PRSS21: variants seen among roughly 807,000 people sequenced by gnomAD.
PRSS21 encodes testisin.
A neutral mutation model predicts 31.1 loss-of-function variants in PRSS21; 40 were observed. The ratio of observed to expected loss-of-function variants is 1.29; its 90% CI spans 1.00 to 1.68. PRSS21 has a LOEUF of 1.68. Ranked by LOEUF, PRSS21 falls within the 40% of genes most tolerant of loss-of-function variation. The pLI, the probability that PRSS21 is intolerant of heterozygous loss-of-function variation, is 0.00. For missense variants in PRSS21, 467 were observed against 412.6 expected (o/e 1.13, Z -1.14); for synonymous variants, 186 against 167.7 (o/e 1.11, Z -0.84).
chr16:2,818,576 G>A lies in PRSS21; in HGVS notation c.258-101G>A, dbSNP rs929890804. 24 of 1,219,152 alleles carry A rather than the reference G, an allele frequency of 2.0e-5. No individual in the cohort carries two copies. In the Admixed American group the frequency reaches 4.9e-4, roughly 25 times the overall value. 75.5% of individuals were successfully genotyped at this position (1,219,152 alleles called of 1,614,324 possible). A position where few individuals can be genotyped will look rare whatever the true frequency, so the allele number is the denominator to read the frequency against. On this transcript the variant is annotated intron_variant, in intron 3 of 5. Transcript: ENST00000005995. Reference sequence around the variant, plus strand: ...AGGGGACCCTGGGTGTTAGCAAGTAGCAGCAACACCACAGTTTCCCCTCCT... The same window carrying A: ...AGGGGACCCTGGGTGTTAGCAAGTAACAGCAACACCACAGTTTCCCCTCCT...
chr16:2,821,229 C>T (rs573194501), intron 5 of PRSS21, 120 bp downstream of exon 5: 23 of 1,537,644 alleles, frequency 1.5e-5, no homozygotes, highest in South Asian at 7.3e-5. Context: ...GATGCAGAAA[C>T]GGAGGCTTGG....
rs1171132246 is a variant in PRSS21, at chr16:2,817,870, C to T, written c.161C>T (p.Pro54Leu). The change falls in exon 3 of 6, where the codon CCG (proline) becomes CTG (leucine). Residue 54 changes from proline to leucine, a missense_variant. By Grantham distance (98) the Pro-to-Leu change is moderately conservative. Coordinates refer to ENST00000005995, the MANE Select transcript of PRSS21 (RefSeq NM_006799.4). This position sits in a 1 kb window ranked among gnomAD's most constrained non-coding sequence, Gnocchi z 4.2. ...GAGGACGCCGAACTCGGGCGTTGGC[C>T]GTGGCAGGGGAGCCTGCGCCTGTGG... ...GGEDAELGRW[P>L]WQGSLRLWDS... 14 of 1,550,190 alleles carry T rather than the reference C, an allele frequency of 9.0e-6. No homozygotes were observed. Among genetic ancestry groups the T allele is most frequent in the South Asian group, 1.2e-5 (1 of 84,092 alleles).
intron 4 of PRSS21, among the ~76,000 whole-genome samples, chr16:2,820,662 C>T (rs2069155545): frequency 6.6e-6 from 1 of 152,210 alleles, no homozygotes; most frequent in South Asian, 2.1e-4. Flanking sequence ...CCTCCCTCGG[C>T]TCCTTTTGGC....
intron 4 of PRSS21, among the ~76,000 whole-genome samples, chr16:2,819,172 G>C (rs1269365050): frequency 2.0e-5 from 3 of 152,220 alleles, no homozygotes; most frequent in African/African-American, 7.2e-5. Context: ...GAGTGTGAGA[G>C]GGAGGCCAGT....
rs2069105360 is a variant in PRSS21 at position 2,817,870 on chromosome 16, CG to C, written c.162del (p.Trp55GlyfsTer15). ...GGEDAELGRW[P>X]WQGSLRLWDS... ...GAGGACGCCGAACTCGGGCGTTGGC[CG>C]TGGCAGGGGAGCCTGCGCCTGTGGG... On this transcript the variant is annotated frameshift_variant, in exon 3 of 6. Transcript: ENST00000005995. LOFTEE classifies it high-confidence loss of function. This position sits in a 1 kb window ranked among gnomAD's most constrained non-coding sequence, Gnocchi z 4.2. 6.5e-7 allele frequency: 1 copy of C among 1,550,070 alleles called. No homozygotes were observed. The highest frequency in any genetic ancestry group is 8.7e-7 in the Non-Finnish European group (1 of 1,147,158).
At position 2,817,784 on chromosome 16, in the gene PRSS21, T is replaced by C; in HGVS notation, c.92-17T>C. On this transcript the variant is annotated splice_polypyrimidine_tract_variant and intron_variant, in intron 2 of 5. Transcript: ENST00000005995. This position sits in a 1 kb window ranked among gnomAD's most constrained non-coding sequence, Gnocchi z 4.2. ...GGGCTGCCTCCCGCGGCTCAGCAGTTCCTCTGACCATCCGAGGACCATGCG... is the reference window on the plus strand; with the variant it reads ...GGGCTGCCTCCCGCGGCTCAGCAGTCCCTCTGACCATCCGAGGACCATGCG... 1 of 1,545,914 alleles carries C rather than the reference T, an allele frequency of 6.5e-7. No homozygotes were observed.
chr16:2,817,521 A>T lies in PRSS21; in HGVS notation c.91+65A>T. ...GGGCCGAGGTGGACGGGGGGCGGTG[A>T]GGGGGTAGAGGGGGGCCTTTACTGC... On this transcript the variant is annotated intron_variant, in intron 2 of 5. Coordinates refer to ENST00000005995, the MANE Select transcript of PRSS21 (RefSeq NM_006799.4). The surrounding 1 kb of genome is among the most constrained non-coding windows in gnomAD (Gnocchi z 4.2). 68 of 487,354 alleles carry T rather than the reference A, an allele frequency of 1.4e-4. No individual in the cohort carries two copies. Among genetic ancestry groups the T allele is most frequent in the Non-Finnish European group, 1.7e-4 (58 of 333,882 alleles). The allele number at this position is 487,354 out of a possible 1,614,324, so 30.2% of individuals were successfully genotyped here. A position where few individuals can be genotyped will look rare whatever the true frequency, so the allele number is the denominator to read the frequency against.
chr16:2,821,096 AG>A lies in PRSS21; in HGVS notation c.694del (p.Asp232MetfsTer25). 1.2e-6 allele frequency: 2 copies of A among 1,614,088 alleles called. No individual in the cohort carries two copies. Among genetic ancestry groups the A allele is most frequent in the Non-Finnish European group, 1.7e-6 (2 of 1,180,016 alleles). On this transcript the variant is annotated frameshift_variant, in exon 5 of 6. Coordinates refer to ENST00000005995, the MANE Select transcript of PRSS21 (RefSeq NM_006799.4). LOFTEE classifies it low-confidence loss of function (END_TRUNC). Reference protein sequence around the residue: ...MVCAGNAQGGKDACFGDSGGP... With the variant: ...MVCAGNAQGGXDACFGDSGGP... ...TGTGCTGGCAATGCCCAAGGCGGGA[AG>A]GATGCCTGCTTCGTGAGTGTCCTTG...
In PRSS21 at chr16:2,821,353, C is replaced by T. The variant is rs1378139059; in HGVS notation, c.706-13C>T. On this transcript the variant is annotated splice_polypyrimidine_tract_variant and intron_variant, in intron 5 of 5. Transcript: ENST00000005995. The stretch of plus-strand genomic sequence containing the variant: ...CTCTGCCCCAGGCTGACCTCAGCCC[C>T]GCTGCTCCCCAGGGTGACTCAGGTG... 9 of 1,613,552 alleles carry T rather than the reference C, an allele frequency of 5.6e-6. No homozygotes were observed. Among genetic ancestry groups the T allele is most frequent in the East Asian group, 2.2e-5 (1 of 44,878 alleles).
chr16:2,820,808 G>A (rs949679063), intron 4 of PRSS21, 147 bp from the exon 5 acceptor site: 1 of 788,990 alleles, frequency 1.3e-6, no homozygotes, highest in Admixed American at 2.3e-5. Flanking sequence ...CTGTTGTGCT[G>A]GGGTCTGGGT....
rs1034814445 is a variant in PRSS21 at position 2,817,670 on chromosome 16, G to T, written c.92-131G>T. On this transcript the variant is annotated intron_variant, in intron 2 of 5. Transcript: ENST00000005995. This position sits in a 1 kb window ranked among gnomAD's most constrained non-coding sequence, Gnocchi z 4.2. The stretch of plus-strand genomic sequence containing the variant: ...GGATCTCCAGTGTCACCTACTTCCT[G>T]CTGCACACACGCGAGGGGACCCTGG... 21 of 1,320,144 alleles carry T rather than the reference G, an allele frequency of 1.6e-5. No individual in the cohort carries two copies. The highest frequency in any genetic ancestry group is 2.2e-5 in the Admixed American group (1 of 45,810). 81.8% of individuals were successfully genotyped at this position (1,320,144 alleles called of 1,614,324 possible).
chr16:2,817,353 GC>G lies in PRSS21; in HGVS notation c.64+22del, dbSNP rs1237281606. On this transcript the variant is annotated intron_variant, in intron 1 of 5. Coordinates refer to ENST00000005995, the MANE Select transcript of PRSS21 (RefSeq NM_006799.4). The surrounding 1 kb of genome is among the most constrained non-coding windows in gnomAD (Gnocchi z 4.2). ...GCCGGGTGAGCTCGGGGCGCTGCTG[GC>G]GGGATGGGGAGGCGGGGGAGCGGTG... 1.0e-5 allele frequency: 16 copies of G among 1,570,018 alleles called. No homozygotes were observed. Among genetic ancestry groups the G allele is most frequent in the Non-Finnish European group, 1.4e-5 (16 of 1,161,844 alleles).
Position 2,817,682 on chromosome 16 carries a change from C to G in PRSS21, c.92-119C>G, listed in dbSNP as rs79730178. The G allele has an allele frequency of 0.013, 18,364 of 1,368,984 alleles. 170 individuals carry two copies. Among genetic ancestry groups the G allele is most frequent in the Middle Eastern group, 0.04 (199 of 4,932 alleles). 84.8% of individuals were successfully genotyped at this position (1,368,984 alleles called of 1,614,324 possible). A position where few individuals can be genotyped will look rare whatever the true frequency, so the allele number is the denominator to read the frequency against. ...TCACCTACTTCCTGCTGCACACACGCGAGGGGACCCTGGGTGGGCAAAAAC... is the reference window on the plus strand; with the variant it reads ...TCACCTACTTCCTGCTGCACACACGGGAGGGGACCCTGGGTGGGCAAAAAC... On this transcript the variant is annotated intron_variant, in intron 2 of 5. Transcript: ENST00000005995. This position sits in a 1 kb window ranked among gnomAD's most constrained non-coding sequence, Gnocchi z 4.2.
rs1333666892 is a variant in PRSS21 at position 2,817,981 on chromosome 16, G to C, written c.257+15G>C. On this transcript the variant is annotated intron_variant, in intron 3 of 5. Coordinates refer to ENST00000005995, the MANE Select transcript of PRSS21 (RefSeq NM_006799.4). The surrounding 1 kb of genome is among the most constrained non-coding windows in gnomAD (Gnocchi z 4.2). ...TGCTTTGAAACGTGAGTGGGGGTGC[G>C]AACGGAGGGGTGCGGGGACGGGCAG... The C allele has an allele frequency of 6.5e-7, 1 of 1,543,542 alleles. No homozygotes were observed. The highest frequency in any genetic ancestry group is 2.5e-5 in the East Asian group (1 of 40,748).
Position 2,820,995 on chromosome 16 carries a change from C to CATCAT in PRSS21, c.593_597dup (p.Asn200SerfsTer2). The CATCAT allele has an allele frequency of 6.2e-7, 1 of 1,614,028 alleles. No homozygotes were observed. The highest frequency in any genetic ancestry group is 8.5e-7 in the Non-Finnish European group (1 of 1,179,966). On this transcript the variant is annotated frameshift_variant, in exon 5 of 6. Transcript: ENST00000005995. LOFTEE classifies it high-confidence loss of function. ...ACACCCTCCAGGAAGTTCAGGTCGC[C>CATCAT]ATCATAAACAACTCTATGTGCAACC... is the stretch of plus-strand genomic sequence containing the variant.
chr16:2,820,883 G>A lies in PRSS21; in HGVS notation c.551-72G>A, dbSNP rs941437155. 9.9e-5 allele frequency: 150 copies of A among 1,516,236 alleles called. No individual in the cohort carries two copies. The South Asian group carries it at 1.2e-3, about 12-fold the overall frequency. The allele number at this position is 1,516,236 out of a possible 1,614,324, so 93.9% of individuals were successfully genotyped here. Reference sequence around the variant, plus strand: ...TGGGTGCCCCAGGGCCCCCACCCCCGCAGCCTATGCCATCCCTCCATAGAG... The same window carrying A: ...TGGGTGCCCCAGGGCCCCCACCCCCACAGCCTATGCCATCCCTCCATAGAG... On this transcript the variant is annotated intron_variant, in intron 4 of 5. Transcript: ENST00000005995.
Position 2,818,663 on chromosome 16 carries a change from T to C in PRSS21, c.258-14T>C. 8 of 1,612,168 alleles carry C rather than the reference T, an allele frequency of 5.0e-6. No homozygotes were observed. The highest frequency in any genetic ancestry group is 5.9e-6 in the Non-Finnish European group (7 of 1,178,594). ...CCATCCAGGGCCCCTGACTGCTCTC[T>C]TCTCTTCTGCCAGCTATAGTGACCT... On this transcript the variant is annotated splice_polypyrimidine_tract_variant and intron_variant, in intron 3 of 5. Coordinates refer to ENST00000005995, the MANE Select transcript of PRSS21 (RefSeq NM_006799.4).
In PRSS21 at chr16:2,817,697, T is replaced by C. The variant is rs1040602831; in HGVS notation, c.92-104T>C. On this transcript the variant is annotated intron_variant, in intron 2 of 5. Transcript: ENST00000005995. The surrounding 1 kb of genome is among the most constrained non-coding windows in gnomAD (Gnocchi z 4.2). ...TGCACACACGCGAGGGGACCCTGGG[T>C]GGGCAAAAACGTGCTTTCCCGGACG... 10 of 1,439,418 alleles carry C rather than the reference T, an allele frequency of 6.9e-6. No homozygotes were observed. The African/African-American group carries it at 1.1e-4, about 16-fold the overall frequency. 89.2% of individuals were successfully genotyped at this position (1,439,418 alleles called of 1,614,324 possible). A position where few individuals can be genotyped will look rare whatever the true frequency, so the allele number is the denominator to read the frequency against.
At chr16:2,818,093 G>GTGT (rs1357986708) in intron 3 of PRSS21, 127 bp downstream of exon 3, 3 of 1,212,828 alleles carry the variant, frequency 2.5e-6, no homozygotes, top group Non-Finnish European at 3.4e-6. Flanking sequence ...ATGCGGCCTG[G>GTGT]TGTTCTCCTG....
Sources: gnomAD v4.1 joint callset for allele counts (sites outside exome capture counted in the v4.1 genomes callset) on GRCh38, gnomAD v4.1.1 for gene constraint, Gnocchi (gnomAD v3.1) non-coding constraint, MANE v1.5 for transcripts, NCBI Gene and HGNC (gene_info 2026-07-23, HGNC 2026-07-21) for gene names.